The following NCOR2 variants were observed in gnomAD, a reference collection of about 807,000 sequenced individuals.
NCOR2 encodes nuclear receptor corepressor 2, also known as CTG repeat protein 26.
A neutral mutation model predicts 262.9 loss-of-function variants in NCOR2; 81 were observed. That is an observed-to-expected ratio of 0.31 (90% CI 0.26 to 0.37). The LOEUF (loss-of-function observed/expected upper bound fraction) is 0.37. Ranked by LOEUF, NCOR2 falls within the 10% of genes least tolerant of loss-of-function variation. NCOR2 has a pLI of 1.00. For missense variants in NCOR2, 3,385 were observed against 3,621.4 expected (o/e 0.93, Z 1.68); for synonymous variants, 1,659 against 1,559.3 (o/e 1.06, Z -1.51).
chr12:124,465,612 G>A (rs1372917519), intron 5 of NCOR2, among the ~76,000 whole-genome samples: 1 of 152,144 alleles, frequency 6.6e-6, no homozygotes, highest in African/African-American at 2.4e-5. Context: ...AGCCAGTGCT[G>A]AGAACTCAGG....
In NCOR2 at chr12:124,495,186, G is replaced by A. The variant is rs1318524788; in HGVS notation, c.66C>T (p.His22=). 2 of 1,613,914 alleles carry A rather than the reference G, an allele frequency of 1.2e-6. No individual in the cohort carries two copies. Among genetic ancestry groups the A allele is most frequent in the African/African-American group, 1.3e-5 (1 of 74,932 alleles). ...CGATCTGCACTGGGTAGGAAAGGCT[G>A]TGGGGCGGGTAGCGGGGCTCAGTGG... The change falls in exon 1 of 47, where the codon CAC becomes CAT. Residue 22 remains histidine (H), a synonymous_variant. Coordinates refer to ENST00000405201, the Ensembl canonical transcript of NCOR2. This position sits in a 1 kb window ranked among gnomAD's most constrained non-coding sequence, Gnocchi z 4.4.
chr12:124,430,586 C>G (rs764771209), intron 9 of NCOR2, 29 bp downstream of exon 11: 2 of 1,583,162 alleles, frequency 1.3e-6, no homozygotes, highest in East Asian at 4.5e-5. Flanking sequence ...GCCCTGACGT[C>G]GGGGGCCCTG....
chr12:124,336,941 G>GTATCATTAAAAAAAAA lies in NCOR2; in HGVS notation c.5926_5927insTTTTTTTTTAATGATA (p.Ser1976PhefsTer4). 1 of 1,551,264 alleles carries GTATCATTAAAAAAAAA rather than the reference G, an allele frequency of 6.4e-7. No individual in the cohort carries two copies. Among genetic ancestry groups the GTATCATTAAAAAAAAA allele is most frequent in the Non-Finnish European group, 8.7e-7 (1 of 1,150,604 alleles). ...AGGAGGCACTAGGGGCCGGGGCTCC[G>GTATCATTAAAAAAAAA]AGCCCTTGCTGGGGGAGGAGGCGGG... On this transcript the variant is annotated stop_gained and frameshift_variant, in exon 38 of 47. Coordinates refer to ENST00000405201, the Ensembl canonical transcript of NCOR2. LOFTEE classifies it high-confidence loss of function.
intron 15 of NCOR2, among the ~76,000 whole-genome samples, chr12:124,399,520 T>C (rs777158477): frequency 2.0e-5 from 3 of 152,132 alleles, no homozygotes; most frequent in African/African-American, 7.2e-5. Context: ...CCAATGGGGC[T>C]GAGTTCTAAC....
At chr12:124,451,327 G>A (rs2045518831) in intron 6 of NCOR2, among the ~76,000 whole-genome samples, 1 of 152,240 alleles carries the variant, frequency 6.6e-6, no homozygotes, top group African/African-American at 2.4e-5. Context: ...AACAGTTGCT[G>A]CTTCAAGCCT....
rs771757489 is a variant in NCOR2 at position 124,327,640 on chromosome 12, G to A, written c.6959-7C>T. The stretch of plus-strand genomic sequence containing the variant: ...CTTCTATAGGTCATAAGGCCTGGGA[G>A]AGAGAGACAGACAGACAGACAGACA... On this transcript the variant is annotated splice_region_variant and splice_polypyrimidine_tract_variant and intron_variant, in intron 44 of 46. Coordinates refer to ENST00000405201, the Ensembl canonical transcript of NCOR2. The A allele has an allele frequency of 2.5e-6, 4 of 1,599,362 alleles. No homozygotes were observed. The highest frequency in any genetic ancestry group is 1.7e-6 in the Non-Finnish European group (2 of 1,176,838).
chr12:124,482,443 G>C lies in NCOR2; in HGVS notation c.411+1153C>G, dbSNP rs772997273. 6.6e-6 allele frequency among the ~76,000 whole-genome samples: 1 copy of C among 152,154 alleles called. No individual in the cohort carries two copies. ...TATCCTCTCTCCCCGAGAGAAGGCC[G>C]AGTCTGGCCCAGGTGGCCTGGCCCC... On this transcript the variant is annotated intron_variant, in intron 3 of 46. Transcript: ENST00000405201. This position sits in a 1 kb window ranked among gnomAD's most constrained non-coding sequence, Gnocchi z 6.3.
chr12:124,407,758 A>C (rs1315423128), intron 13 of NCOR2, among the ~76,000 whole-genome samples: 1 of 152,212 alleles, frequency 6.6e-6, no homozygotes, highest in African/African-American at 2.4e-5. Context: ...GCTCAATCTC[A>C]TGCACTCATT....
chr12:124,457,287 G>C lies in NCOR2; in HGVS notation c.706-125C>G. 2.8e-6 allele frequency: 3 copies of C among 1,073,926 alleles called. No homozygotes were observed. Among genetic ancestry groups the C allele is most frequent in the Non-Finnish European group, 3.9e-6 (3 of 774,912 alleles). 66.5% of individuals were successfully genotyped at this position (1,073,926 alleles called of 1,614,324 possible). A position where few individuals can be genotyped will look rare whatever the true frequency, so the allele number is the denominator to read the frequency against. On this transcript the variant is annotated intron_variant, in intron 5 of 46. Coordinates refer to ENST00000405201, the Ensembl canonical transcript of NCOR2. The surrounding 1 kb of genome is among the most constrained non-coding windows in gnomAD (Gnocchi z 4.0). ...GTCCAGCATGCTGATCCTCAGCACG[G>C]GGGAGGGAGGCCCGGGGCCCCCTGC... is the stretch of plus-strand genomic sequence containing the variant.
At chr12:124,376,837 G>A (rs76221690) in intron 18 of NCOR2, among the ~76,000 whole-genome samples, 13 of 152,338 alleles carry the variant, frequency 8.5e-5, no homozygotes, top group African/African-American at 2.9e-4. Flanking sequence ...GACCCCAGAC[G>A]GGGCAGGAGG....
rs576935101 is a variant in NCOR2 at position 124,440,085 on chromosome 12, C to T, written c.816-2089G>A. Reference sequence around the variant, plus strand: ...CCTCCCAGGGCCTGGGGGGCCACAGCGACCTCAGGAGCCTGCTGTGCACCT... The same window carrying T: ...CCTCCCAGGGCCTGGGGGGCCACAGTGACCTCAGGAGCCTGCTGTGCACCT... On this transcript the variant is annotated intron_variant, in intron 7 of 46. Coordinates refer to ENST00000405201, the Ensembl canonical transcript of NCOR2. The surrounding 1 kb of genome is among the most constrained non-coding windows in gnomAD (Gnocchi z 5.7). Among the ~76,000 whole-genome samples, 2 of 152,230 alleles carry T rather than the reference C, an allele frequency of 1.3e-5. No individual in the cohort carries two copies. Among genetic ancestry groups the T allele is most frequent in the South Asian group, 4.1e-4 (2 of 4,828 alleles).
upstream of NCOR2, among the ~76,000 whole-genome samples, chr12:124,498,062 C>T (rs371708759): frequency 1.3e-5 from 2 of 152,174 alleles, no homozygotes; most frequent in African/African-American, 4.8e-5. Context: ...AAACAGTTCC[C>T]GGTCTCTCGG....
exon 20 of NCOR2, chr12:124,372,351 C>T (rs754397696): frequency 1.3e-6 from 2 of 1,516,432 alleles, no homozygotes; most frequent in African/African-American, 1.4e-5. Flanking sequence ...CCTCCTCCTT[C>T]TCCTCCTTGG....
chr12:124,550,497 G>A (rs796334035), intron 1 of NCOR2, among the ~76,000 whole-genome samples: 4 of 152,158 alleles, frequency 2.6e-5, no homozygotes, highest in Admixed American at 6.5e-5. Context: ...CCACTGGCAG[G>A]GGGAGGATGG....
At position 124,325,470 on chromosome 12, in the gene NCOR2, G is replaced by A. The variant is rs1402295087; in HGVS notation, c.7477C>T (p.His2493Tyr). 3 of 1,366,750 alleles carry A rather than the reference G, an allele frequency of 2.2e-6. No individual in the cohort carries two copies. Among genetic ancestry groups the A allele is most frequent in the Non-Finnish European group, 1.9e-6 (2 of 1,055,794 alleles). 84.7% of individuals were successfully genotyped at this position (1,366,750 alleles called of 1,614,324 possible). Residue 2493 changes from histidine (H) to tyrosine (Y), a missense_variant, in exon 47 of 47, where the codon CAC (histidine) becomes TAC (tyrosine). By Grantham distance (83) the His-to-Tyr change is moderately conservative. Around this residue, in one of 5 missense-constraint regions of NCOR2, gnomAD observed 1,017 missense variants for 967.2 expected, o/e 1.05. Coordinates refer to ENST00000405201, the Ensembl canonical transcript of NCOR2. ...GGCTTGGGCTCCTCGTCCCAGGCGT[G>A]GTGGGGGCCAGCGAGGGGCCCGCTG...
chr12:124,407,613 G>A (rs989960042), intron 13 of NCOR2, among the ~76,000 whole-genome samples: 8 of 152,196 alleles, frequency 5.3e-5, no homozygotes, highest in Non-Finnish European at 1.0e-4. Flanking sequence ...GGTGGATTCC[G>A]GGAATGAGAG....
chr12:124,333,716 CTCTT>C (rs915694917), intron 41 of NCOR2, among the ~76,000 whole-genome samples: 8 of 151,890 alleles, frequency 5.3e-5, no homozygotes, highest in Non-Finnish European at 8.8e-5. Context: ...GCCCTCCCCT[CTCTT>C]TCTCTTTTGA....
chr12:124,441,613 GCA>G (rs942302824), intron 7 of NCOR2, among the ~76,000 whole-genome samples: 3 of 152,216 alleles, frequency 2.0e-5, no homozygotes, highest in Admixed American at 6.5e-5. Context: ...CAGGAAATTT[GCA>G]CAGTCTCAAA....
At chr12:124,544,911 T>C (rs78429606) in intron 1 of NCOR2, among the ~76,000 whole-genome samples, 2,910 of 152,156 alleles carry the variant, frequency 0.019, 77 homozygotes, top group African/African-American at 0.065. Context: ...GAGGCAATTA[T>C]ATTAGGTGGC....
Sources: allele counts gnomAD v4.1 joint callset (sites outside exome capture counted in the v4.1 genomes callset), GRCh38; gene constraint gnomAD v4.1.1; regional missense constraint gnomAD v4.1.1; non-coding constraint Gnocchi (gnomAD v3.1); transcripts MANE v1.5; gene names NCBI Gene and HGNC (gene_info 2026-07-23, HGNC 2026-07-21).